Variants in SKIC3 observed in about 807,000 individuals in gnomAD.
SKIC3 encodes SKI3 subunit of superkiller complex, also known as superkiller complex protein 3.
chr5:95,484,794 G>C, the SKIC3 span: 2 of 1,613,992 alleles, frequency 1.2e-6, no homozygotes, highest in Non-Finnish European at 8.5e-7. Context: ...TTGTGAGAGA[G>C]ACCACTTTTC....
the SKIC3 span, chr5:95,517,410 T>C: frequency 2.1e-6 from 3 of 1,458,796 alleles, no homozygotes; most frequent in Non-Finnish European, 2.8e-6. Flanking sequence ...ACAGAAAAAC[T>C]GTACATTAAG....
the SKIC3 span, among the ~76,000 whole-genome samples, chr5:95,488,521 A>C: frequency 3.5e-4 from 53 of 152,318 alleles, no homozygotes; most frequent in Middle Eastern, 6.8e-3. Context: ...AGAGAATAAG[A>C]TAATATATCC....
chr5:95,516,260 A>C, the SKIC3 span: 1 of 1,401,302 alleles, frequency 7.1e-7, no homozygotes, highest in Non-Finnish European at 1.0e-6. Flanking sequence ...CGATGTGCAA[A>C]AACATTTCTC....
At chr5:95,549,336 G>A in the SKIC3 span, among the ~76,000 whole-genome samples, 4 of 151,918 alleles carry the variant, frequency 2.6e-5, no homozygotes, top group African/African-American at 9.7e-5. Flanking sequence ...AGGTTGGGTA[G>A]GTAAATAGAG....
chr5:95,526,171 A>T, the SKIC3 span, among the ~76,000 whole-genome samples: 28 of 152,218 alleles, frequency 1.8e-4, 1 homozygote, highest in Admixed American at 8.5e-4. Context: ...TTTAAAAATC[A>T]AAATCTAAAT....
the SKIC3 span, among the ~76,000 whole-genome samples, chr5:95,533,202 T>G: frequency 2.6e-5 from 4 of 152,142 alleles, no homozygotes; most frequent in Non-Finnish European, 5.9e-5. Flanking sequence ...TCACTACTTG[T>G]TACATGAAGC....
chr5:95,464,718 T>C, the SKIC3 span: 1 of 1,543,030 alleles, frequency 6.5e-7, no homozygotes, highest in East Asian at 2.3e-5. Context: ...CAGTATTTTG[T>C]TTATTAACAA....
the SKIC3 span, among the ~76,000 whole-genome samples, chr5:95,551,034 G>T: frequency 1.3e-5 from 2 of 151,960 alleles, no homozygotes; most frequent in Non-Finnish European, 1.5e-5. Flanking sequence ...AGACAACTAA[G>T]GGTACTTATT....
the SKIC3 span, among the ~76,000 whole-genome samples, chr5:95,554,562 C>G: frequency 1.0e-3 from 155 of 152,242 alleles, no homozygotes; most frequent in Middle Eastern, 3.2e-3. Context: ...CCCCTGCCTA[C>G]AGCCTGAAAC....
chr5:95,539,955 T>C, the SKIC3 span, among the ~76,000 whole-genome samples: 1 of 151,942 alleles, frequency 6.6e-6, no homozygotes, highest in East Asian at 1.9e-4. Flanking sequence ...TACTTGCACA[T>C]GCATGTTTAT....
the SKIC3 span, among the ~76,000 whole-genome samples, chr5:95,471,057 TGCAGTATAG>T: frequency 6.6e-6 from 1 of 152,156 alleles, no homozygotes; most frequent in Non-Finnish European, 1.5e-5. Context: ...TATCTCTGAG[TGCAGTATAG>T]GCAATAGCAA....
the SKIC3 span, chr5:95,524,522 C>T: frequency 6.2e-7 from 1 of 1,613,636 alleles, no homozygotes; most frequent in African/African-American, 1.3e-5. Flanking sequence ...CACCCATGAA[C>T]CAGTATGTTA....
At chr5:95,540,302 C>T in the SKIC3 span, among the ~76,000 whole-genome samples, 8 of 151,934 alleles carry the variant, frequency 5.3e-5, no homozygotes, top group African/African-American at 1.9e-4. Context: ...CAATGGACTT[C>T]GGGGACTTGG....
the SKIC3 span, chr5:95,530,042 GAAT>G: frequency 2.5e-6 from 4 of 1,603,562 alleles, no homozygotes; most frequent in Non-Finnish European, 3.4e-6. Flanking sequence ...CCTACTGACT[GAAT>G]AATAATTATA....
the SKIC3 span, among the ~76,000 whole-genome samples, chr5:95,502,627 G>A: frequency 1.5e-3 from 229 of 152,276 alleles, 1 homozygote; most frequent in African/African-American, 5.3e-3. Context: ...CAGGTGATCA[G>A]TTTCTCTTTT....
chr5:95,485,911 G>A, the SKIC3 span, among the ~76,000 whole-genome samples: 9 of 152,250 alleles, frequency 5.9e-5, 1 homozygote, highest in Admixed American at 6.5e-5. Flanking sequence ...GAGTGAGGTC[G>A]TCTGCTCGGC....
the SKIC3 span, chr5:95,516,522 C>A: frequency 2.5e-6 from 4 of 1,613,232 alleles, no homozygotes; most frequent in South Asian, 4.4e-5. Flanking sequence ...ATAGAATACT[C>A]ACAATTTGTT....
At chr5:95,532,642 G>A in the SKIC3 span, among the ~76,000 whole-genome samples, 23,412 of 152,012 alleles carry the variant, frequency 0.15, 2,479 homozygotes, top group African/African-American at 0.3. Context: ...CTTATTCATT[G>A]CAAATGAATA....
the SKIC3 span, chr5:95,484,751 T>A: frequency 6.2e-7 from 1 of 1,614,206 alleles, no homozygotes; most frequent in African/African-American, 1.3e-5. Context: ...CAGCTTCAGA[T>A]ATTCTTCCTG....
Sources: gnomAD v4.1 joint callset for allele counts (sites outside exome capture counted in the v4.1 genomes callset) on GRCh38, gnomAD v4.1.1 for gene constraint, MANE v1.5 for transcripts, NCBI Gene and HGNC (gene_info 2026-07-23, HGNC 2026-07-21) for gene names.